The following FOXP2 variants were observed in gnomAD, a reference collection of about 807,000 sequenced individuals.
FOXP2 encodes the protein forkhead box protein P2.
FOXP2 carries 12 observed loss-of-function variants against 115.8 expected under a neutral mutation model. The observed-to-expected ratio is 0.10, with a 90% CI of 0.07 to 0.17. FOXP2 has a LOEUF of 0.17. FOXP2 is among the 10% of genes least tolerant of loss of function. The probability of loss-of-function intolerance (pLI) is 1.00; values close to 1 mark genes in which losing one functional copy is unlikely to be tolerated. For synonymous variants in FOXP2, 328 were observed against 297.7 expected (o/e 1.10, Z -1.05); for missense variants, 629 against 843.5 (o/e 0.75, Z 3.15).
At chr7:114,555,112 G>A (rs1411445926) in intron 3 of FOXP2, among the ~76,000 whole-genome samples, 1 of 152,158 alleles carries the variant, frequency 6.6e-6, no homozygotes, top group Non-Finnish European at 1.5e-5. Context: ...ATAAAACAGA[G>A]ATCCTGAAGC....
At chr7:114,583,794 T>G (rs1273129303) in intron 3 of FOXP2, among the ~76,000 whole-genome samples, 1 of 152,214 alleles carries the variant, frequency 6.6e-6, no homozygotes, top group Non-Finnish European at 1.5e-5. Context: ...CCTACATCAT[T>G]TTTACCAAAA....
intron 2 of FOXP2, among the ~76,000 whole-genome samples, chr7:114,333,096 G>T (rs1463616154): frequency 6.6e-6 from 1 of 152,066 alleles, no homozygotes; most frequent in Non-Finnish European, 1.5e-5. Flanking sequence ...ATAATTCTCG[G>T]AGGAATAATA....
At chr7:114,086,402 G>A (rs895339834), upstream of FOXP2, 6 of 350,086 alleles carry the variant, frequency 1.7e-5, no homozygotes, top group Middle Eastern at 8.8e-4. Flanking sequence ...CGCGCCACCC[G>A]CAGCCCGCCC....
chr7:114,384,855 T>C (rs1460737081), intron 2 of FOXP2, among the ~76,000 whole-genome samples: 1 of 151,902 alleles, frequency 6.6e-6, no homozygotes, highest in Non-Finnish European at 1.5e-5. Flanking sequence ...ACTGAATGCA[T>C]TTGGCCCATC....
intron 3 of FOXP2, among the ~76,000 whole-genome samples, chr7:114,536,922 G>A (rs900760025): frequency 3.5e-4 from 53 of 151,390 alleles, no homozygotes; most frequent in African/African-American, 1.3e-3. Context: ...CATAGGACTT[G>A]ATAAGCTTAG....
At chr7:114,231,254 T>C (rs1794869144) in intron 1 of FOXP2, among the ~76,000 whole-genome samples, 1 of 152,124 alleles carries the variant, frequency 6.6e-6, no homozygotes. Context: ...AAATGTCTCA[T>C]TTTTATGGAT....
intron 3 of FOXP2, among the ~76,000 whole-genome samples, chr7:114,540,465 C>T (rs1296082199): frequency 6.6e-6 from 1 of 151,924 alleles, no homozygotes; most frequent in Non-Finnish European, 1.5e-5. Flanking sequence ...GGAAAAAAAA[C>T]ATCCATTCAT....
chr7:114,433,039 G>A (rs1794184133), intron 2 of FOXP2, among the ~76,000 whole-genome samples: 1 of 151,896 alleles, frequency 6.6e-6, no homozygotes, highest in Non-Finnish European at 1.5e-5. Flanking sequence ...GCTTGAAAAA[G>A]AAAAGTGAAA....
chr7:114,240,769 C>T (rs1470531146), intron 1 of FOXP2, among the ~76,000 whole-genome samples: 1 of 151,602 alleles, frequency 6.6e-6, no homozygotes, highest in African/African-American at 2.4e-5. Flanking sequence ...TATTCATTTC[C>T]ACTTCCTGTA....
At chr7:114,600,494 G>C (rs1284252908) in intron 3 of FOXP2, among the ~76,000 whole-genome samples, 2 of 152,162 alleles carry the variant, frequency 1.3e-5, no homozygotes, top group Non-Finnish European at 2.9e-5. Context: ...GCAGAGTTTT[G>C]TGTAGATATG....
At chr7:114,220,062 G>C (rs1049290721) in intron 1 of FOXP2, among the ~76,000 whole-genome samples, 2 of 151,036 alleles carry the variant, frequency 1.3e-5, no homozygotes, top group African/African-American at 2.4e-5. Flanking sequence ...GTAGAGACGG[G>C]GTTTCACCAT....
At chr7:114,120,833 A>T (rs761669942) in intron 1 of FOXP2, among the ~76,000 whole-genome samples, 17 of 152,056 alleles carry the variant, frequency 1.1e-4, no homozygotes, top group Non-Finnish European at 2.2e-4. Flanking sequence ...TACTTGTTTA[A>T]GGCCACACAG....
intron 2 of FOXP2, among the ~76,000 whole-genome samples, chr7:114,384,121 G>A (rs945857058): frequency 8.7e-5 from 13 of 149,696 alleles, no homozygotes; most frequent in Admixed American, 2.7e-4. Flanking sequence ...AGTTACGCTC[G>A]CCGATGTAGC....
intron 16 of FOXP2, 82 bp from the exon 17 acceptor site, chr7:114,689,697 TCAG>T: frequency 7.1e-7 from 1 of 1,413,480 alleles, no homozygotes; most frequent in South Asian, 1.2e-5. Flanking sequence ...TTGCCTTTTT[TCAG>T]TTGACCTCTT....
chr7:114,321,388 C>T (rs750079223), intron 2 of FOXP2, among the ~76,000 whole-genome samples: 6 of 151,720 alleles, frequency 4.0e-5, no homozygotes, highest in African/African-American at 7.3e-5. Context: ...TTAGTAGAGA[C>T]GGGGTTTCAC....
chr7:114,677,916 T>C (rs1038774919), intron 16 of FOXP2, among the ~76,000 whole-genome samples: 12 of 152,200 alleles, frequency 7.9e-5, no homozygotes, highest in Non-Finnish European at 5.9e-5. Context: ...CATCATACTC[T>C]GCTAGAAACT....
At chr7:114,438,714 A>G (rs1040651135) in intron 2 of FOXP2, among the ~76,000 whole-genome samples, 1 of 152,054 alleles carries the variant, frequency 6.6e-6, no homozygotes. Context: ...AAAAAAATAA[A>G]TGTCTTAAAG....
At position 114,642,446 on chromosome 7, in the gene FOXP2, A is replaced by G; in HGVS notation, c.812A>G (p.Lys271Arg). ...CCTGCTGAGATTCAGCAGTTATGGA[A>G]AGAAGTGACTGGAGTTCACAGTATG... Reference protein sequence around the residue: ...LSPAEIQQLWKEVTGVHSMED... With the variant: ...LSPAEIQQLWREVTGVHSMED... Residue 271 changes from lysine (K) to arginine (R), a missense_variant, in exon 7 of 17, where the codon AAA (lysine) becomes AGA (arginine). This residue lies in a region of FOXP2 where 138 missense variants were observed against 205.1 expected (regional missense o/e 0.67). Coordinates refer to ENST00000350908, the MANE Select transcript of FOXP2 (RefSeq NM_014491.4). The G allele has an allele frequency of 6.2e-7, 1 of 1,613,762 alleles. No homozygotes were observed. The highest frequency in any genetic ancestry group is 8.5e-7 in the Non-Finnish European group (1 of 1,179,856).
At chr7:114,212,317 A>G (rs537633719) in intron 1 of FOXP2, among the ~76,000 whole-genome samples, 1 of 152,026 alleles carries the variant, frequency 6.6e-6, no homozygotes, top group South Asian at 2.1e-4. Context: ...AATATTAGTA[A>G]CAAGATAGCT....
Sources: allele counts gnomAD v4.1 joint callset (sites outside exome capture counted in the v4.1 genomes callset), GRCh38; gene constraint gnomAD v4.1.1; regional missense constraint gnomAD v4.1.1; transcripts MANE v1.5; gene names NCBI Gene and HGNC (gene_info 2026-07-23, HGNC 2026-07-21).